Variants in TTC39C observed in about 807,000 individuals in gnomAD.
TTC39C encodes the protein tetratricopeptide repeat domain 39C.
In TTC39C, 33 loss-of-function variants were observed where a neutral mutation model predicts 76.3. That is an observed-to-expected ratio of 0.43 (90% CI 0.33 to 0.58). TTC39C has a LOEUF of 0.58. Among genes scored for constraint, TTC39C ranks in the 20% least tolerant of loss-of-function variants. TTC39C has a pLI of 0.04. For missense variants in TTC39C, 595 were observed against 701.4 expected (o/e 0.85, Z 1.71); for synonymous variants, 254 against 260.6 (o/e 0.97, Z 0.24).
intron 6 of TTC39C, among the ~76,000 whole-genome samples, chr18:24,102,164 G>A (rs568387133): frequency 6.6e-6 from 1 of 152,210 alleles, no homozygotes; most frequent in South Asian, 2.1e-4. Flanking sequence ...ACAGAATCGT[G>A]TCTGAATTGT....
intron 1 of TTC39C, among the ~76,000 whole-genome samples, chr18:23,997,695 A>AAAGAAAGG (rs2083278439): frequency 6.6e-6 from 1 of 150,610 alleles, no homozygotes; most frequent in Non-Finnish European, 1.5e-5. Context: ...AGAAAGAAAG[A>AAAGAAAGG]AAGAAAGAAA....
intron 6 of TTC39C, among the ~76,000 whole-genome samples, chr18:24,101,615 T>A (rs1465646417): frequency 6.6e-6 from 1 of 151,492 alleles, no homozygotes; most frequent in Admixed American, 6.6e-5. Flanking sequence ...TTACAGAGAG[T>A]GTCATTCAGG....
At chr18:24,058,393 G>A (rs779193383) in intron 1 of TTC39C, among the ~76,000 whole-genome samples, 2 of 152,114 alleles carry the variant, frequency 1.3e-5, no homozygotes, top group African/African-American at 2.4e-5. Context: ...AATAGCTCAC[G>A]CCTGTAATCC....
chr18:24,129,987 G>T (rs575032768), intron 11 of TTC39C, among the ~76,000 whole-genome samples: 7 of 152,234 alleles, frequency 4.6e-5, no homozygotes, highest in Non-Finnish European at 1.0e-4. Flanking sequence ...TGTGTTTTCT[G>T]TTTTAAATAT....
rs543770692 is a variant in TTC39C at position 24,030,358 on chromosome 18, C to G, written c.167+15320C>G. Among the ~76,000 whole-genome samples, 9 of 152,296 alleles carry G rather than the reference C, an allele frequency of 5.9e-5. No homozygotes were observed. In the East Asian group the frequency reaches 1.7e-3, roughly 29 times the overall value. ...TTGAGAAAACCTGTTTAAAAATTGA[C>G]TAATCTGAAGAATTATTTTCAGAAC... On this transcript the variant is annotated intron_variant, in intron 1 of 13. Transcript: ENST00000317571.
chr18:24,102,748 A>T (rs2084693753), intron 6 of TTC39C, among the ~76,000 whole-genome samples: 1 of 152,182 alleles, frequency 6.6e-6, no homozygotes, highest in African/African-American at 2.4e-5. Flanking sequence ...AGAGCACCCC[A>T]CATGTTGGCC....
At position 24,130,434 on chromosome 18, in the gene TTC39C, A is replaced by G; in HGVS notation, c.1623+17A>G. On this transcript the variant is annotated intron_variant, in intron 12 of 13. Coordinates refer to ENST00000317571, the MANE Select transcript of TTC39C (RefSeq NM_001135993.2). The stretch of plus-strand genomic sequence containing the variant: ...AAACCAGAGGTAAGATCTTATATAT[A>G]TAATATAATATATATTTTTAATGTT... The G allele has an allele frequency of 1.0e-6, 1 of 962,658 alleles. No homozygotes were observed. The highest frequency in any genetic ancestry group is 1.4e-6 in the Non-Finnish European group (1 of 726,698). The allele number at this position is 962,658 out of a possible 1,614,324, so 59.6% of individuals were successfully genotyped here. A position where few individuals can be genotyped will look rare whatever the true frequency, so the allele number is the denominator to read the frequency against.
chr18:24,015,937 C>G (rs1333921682), intron 1 of TTC39C, among the ~76,000 whole-genome samples: 3 of 152,110 alleles, frequency 2.0e-5, no homozygotes, highest in Non-Finnish European at 4.4e-5. Flanking sequence ...GTTGACGAGC[C>G]TTAAGGACGT....
intron 6 of TTC39C, among the ~76,000 whole-genome samples, chr18:24,086,025 A>G (rs1015901268): frequency 3.9e-5 from 6 of 152,222 alleles, no homozygotes; most frequent in Non-Finnish European, 8.8e-5. Flanking sequence ...AGGCTGTGAT[A>G]TAGCCCTTGC....
At chr18:24,008,984 G>A (rs1273177969) in intron 1 of TTC39C, among the ~76,000 whole-genome samples, 1 of 152,188 alleles carries the variant, frequency 6.6e-6, no homozygotes, top group Non-Finnish European at 1.5e-5. Flanking sequence ...TCACTTATAA[G>A]TGAGAGCTAA....
At chr18:24,044,545 G>C (rs1424947365) in intron 1 of TTC39C, among the ~76,000 whole-genome samples, 3 of 152,176 alleles carry the variant, frequency 2.0e-5, no homozygotes, top group Non-Finnish European at 4.4e-5. Context: ...GTCATGAGAG[G>C]TGAGGACCAA....
intron 4 of TTC39C, among the ~76,000 whole-genome samples, chr18:24,074,778 T>C (rs192230231): frequency 6.6e-6 from 1 of 152,224 alleles, no homozygotes; most frequent in African/African-American, 2.4e-5. Flanking sequence ...AAATACCATT[T>C]GACCTAGCCA....
At chr18:24,022,542 A>G in intron 1 of TTC39C, 1 of 985,216 alleles carries the variant, frequency 1.0e-6, no homozygotes, top group Non-Finnish European at 1.2e-6. Context: ...CTCTTACAGA[A>G]CTTCTACAGT....
chr18:24,111,352 C>T (rs541949360), intron 6 of TTC39C, among the ~76,000 whole-genome samples: 2 of 151,982 alleles, frequency 1.3e-5, no homozygotes, highest in East Asian at 3.9e-4. Flanking sequence ...GGGTGGCTCA[C>T]GAGGTCAGGA....
intron 7 of TTC39C, among the ~76,000 whole-genome samples, chr18:24,116,848 CAG>C (rs2084899930): frequency 9.4e-6 from 1 of 106,650 alleles, no homozygotes; most frequent in Non-Finnish European, 1.8e-5. Context: ...TTTTTTAAGA[CAG>C]GGTCTCACTG....
At chr18:24,112,766 A>G (rs1399327717) in intron 6 of TTC39C, among the ~76,000 whole-genome samples, 1 of 152,198 alleles carries the variant, frequency 6.6e-6, no homozygotes, top group East Asian at 1.9e-4. Context: ...TAATTTAGCA[A>G]AGTGAGAGAG....
At chr18:24,009,346 G>A (rs1389853419) in intron 1 of TTC39C, among the ~76,000 whole-genome samples, 1 of 152,070 alleles carries the variant, frequency 6.6e-6, no homozygotes, top group East Asian at 1.9e-4. Flanking sequence ...TCCTCTCCAG[G>A]GACTCAGTAG....
chr18:24,034,194 T>TCGAAAG (rs1352018655), intron 1 of TTC39C, among the ~76,000 whole-genome samples: 5 of 152,128 alleles, frequency 3.3e-5, no homozygotes, highest in African/African-American at 7.2e-5. Flanking sequence ...TCTCACAACA[T>TCGAAAG]CGAAAGCACA....
At chr18:24,003,376 T>C (rs1010924739) in intron 1 of TTC39C, among the ~76,000 whole-genome samples, 2 of 152,218 alleles carry the variant, frequency 1.3e-5, no homozygotes, top group African/African-American at 4.8e-5. Flanking sequence ...GATCTGTCAG[T>C]GTGTCTGTCT....
Sources: gnomAD v4.1 joint callset for allele counts (sites outside exome capture counted in the v4.1 genomes callset) on GRCh38, gnomAD v4.1.1 for gene constraint, MANE v1.5 for transcripts, NCBI Gene and HGNC (gene_info 2026-07-23, HGNC 2026-07-21) for gene names.